Variants in SFMBT2 observed in about 807,000 individuals in gnomAD.
SFMBT2 encodes Scm like with four mbt domains 2, also known as scm-like with four MBT domains protein 2.
In SFMBT2, 38 loss-of-function variants were observed where a neutral mutation model predicts 110.1. The observed-to-expected ratio is 0.35, with a 90% CI of 0.27 to 0.45. The LOEUF (loss-of-function observed/expected upper bound fraction) is 0.45. Ranked by LOEUF, SFMBT2 falls within the 20% of genes least tolerant of loss-of-function variation. The pLI is 1.00. For synonymous variants in SFMBT2, 425 were observed against 425.4 expected (o/e 1.00, Z 0.01); for missense variants, 1,011 against 1,094.9 (o/e 0.92, Z 1.08).
At chr10:7,250,054 G>C (rs921346103) in intron 7 of SFMBT2, among the ~76,000 whole-genome samples, 1 of 152,170 alleles carries the variant, frequency 6.6e-6, no homozygotes, top group Non-Finnish European at 1.5e-5. Context: ...AGAAGGAAAA[G>C]TACAAGGAAA....
At chr10:7,319,220 C>G (rs7088880) in intron 4 of SFMBT2, among the ~76,000 whole-genome samples, 2,658 of 152,292 alleles carry the variant, frequency 0.017, 76 homozygotes, top group African/African-American at 0.059. Flanking sequence ...TCATCAAGTT[C>G]GCAGTACTCC....
In SFMBT2 at chr10:7,303,475, G is replaced by T. The variant is rs369514612; in HGVS notation, c.437-17521C>A. On this transcript the variant is annotated intron_variant, in intron 4 of 20. Transcript: ENST00000397167. ...ATTCTTTCCACCACGGAAAGATGGG[G>T]TAATCCGAGACTAAAAAGAGAGAGA... is the stretch of plus-strand genomic sequence containing the variant. Among the ~76,000 whole-genome samples, 15 of 152,076 alleles carry T rather than the reference G, an allele frequency of 9.9e-5. 1 individual carries two copies. In the South Asian group the frequency reaches 3.1e-3, roughly 32 times the overall value.
At chr10:7,175,432 C>G (rs184901769) in intron 17 of SFMBT2, among the ~76,000 whole-genome samples, 68 of 152,316 alleles carry the variant, frequency 4.5e-4, no homozygotes, top group African/African-American at 1.6e-3. Flanking sequence ...GTCCTGCACC[C>G]TGTGTCCTGG....
intron 4 of SFMBT2, among the ~76,000 whole-genome samples, chr10:7,358,502 C>A (rs948212295): frequency 2.1e-5 from 3 of 145,530 alleles, no homozygotes; most frequent in Non-Finnish European, 3.0e-5. Flanking sequence ...CCCTAGAACA[C>A]CTGCATGGCC....
At chr10:7,341,368 C>T (rs1588463112) in intron 4 of SFMBT2, among the ~76,000 whole-genome samples, 1 of 152,202 alleles carries the variant, frequency 6.6e-6, no homozygotes, top group Non-Finnish European at 1.5e-5. Flanking sequence ...ATCTAACGTT[C>T]ATTCTGGTTC....
chr10:7,243,943 A>C (rs893797777), intron 8 of SFMBT2: 9 of 246,550 alleles, frequency 3.7e-5, no homozygotes, highest in Admixed American at 6.5e-5. Flanking sequence ...GAAGAGTGAG[A>C]ATGAACAAAA....
chr10:7,238,134 T>C (rs957252223), intron 9 of SFMBT2, among the ~76,000 whole-genome samples: 3 of 152,186 alleles, frequency 2.0e-5, no homozygotes, highest in African/African-American at 7.2e-5. Flanking sequence ...CCATGGTTTA[T>C]GTTCTAACAC....
At chr10:7,283,786 T>C in intron 6 of SFMBT2, 118 bp downstream of exon 6, 1 of 781,836 alleles carries the variant, frequency 1.3e-6, no homozygotes. Flanking sequence ...GTGCTTAATA[T>C]TCACATACTC....
chr10:7,195,314 G>A (rs925353610), intron 15 of SFMBT2, among the ~76,000 whole-genome samples: 6 of 152,122 alleles, frequency 3.9e-5, no homozygotes, highest in East Asian at 3.9e-4. Context: ...ATTAACTAGC[G>A]GTCCTGCTGC....
intron 1 of SFMBT2, among the ~76,000 whole-genome samples, chr10:7,394,422 T>C (rs1003558240): frequency 6.6e-6 from 1 of 151,418 alleles, no homozygotes; most frequent in Non-Finnish European, 1.5e-5. Flanking sequence ...TGTTCTGGCA[T>C]TCCTCTCCAC....
At chr10:7,269,758 G>C (rs1841520888) in intron 7 of SFMBT2, among the ~76,000 whole-genome samples, 1 of 141,824 alleles carries the variant, frequency 7.1e-6, no homozygotes, top group African/African-American at 2.6e-5. Context: ...GTGTGTGTGT[G>C]TCTCTTTTTG....
At chr10:7,201,251 C>T (rs1838944583) in intron 13 of SFMBT2, among the ~76,000 whole-genome samples, 1 of 152,220 alleles carries the variant, frequency 6.6e-6, no homozygotes, top group African/African-American at 2.4e-5. Context: ...TACCTGTGAA[C>T]TTGTTAGAAA....
chr10:7,163,568 C>T lies in SFMBT2; in HGVS notation c.*202G>A. ...TGATGCATGACTTTAACTGGCACTC[C>T]CCAGAAGCGACTGCTGCTGTGCTTT... On this transcript the variant is annotated 3_prime_UTR_variant, in exon 21 of 21. Transcript: ENST00000397167. The surrounding 1 kb of genome is among the most constrained non-coding windows in gnomAD (Gnocchi z 4.8). The T allele has an allele frequency of 1.8e-6, 1 of 564,224 alleles. No individual in the cohort carries two copies. Among genetic ancestry groups the T allele is most frequent in the Non-Finnish European group, 3.1e-6 (1 of 319,770 alleles). The allele number at this position is 564,224 out of a possible 1,614,324, so 35.0% of individuals were successfully genotyped here. A position where few individuals can be genotyped will look rare whatever the true frequency, so the allele number is the denominator to read the frequency against.
chr10:7,217,154 T>C (rs914145207), intron 11 of SFMBT2, among the ~76,000 whole-genome samples: 9 of 152,220 alleles, frequency 5.9e-5, no homozygotes, highest in African/African-American at 1.9e-4. Context: ...GGAAGGAGAA[T>C]GGTGCCAGTC....
chr10:7,178,539 T>C (rs780162792), intron 16 of SFMBT2, among the ~76,000 whole-genome samples: 2 of 152,076 alleles, frequency 1.3e-5, no homozygotes, highest in Non-Finnish European at 2.9e-5. Context: ...TAGTGAAGAA[T>C]AAAAATTAAG....
chr10:7,186,700 A>T (rs1040631658), intron 16 of SFMBT2, among the ~76,000 whole-genome samples: 2 of 152,192 alleles, frequency 1.3e-5, no homozygotes, highest in Admixed American at 6.5e-5. Context: ...AAATGGGAAG[A>T]TGCCAGCTCT....
chr10:7,234,778 CA>C (rs775704415), intron 9 of SFMBT2, among the ~76,000 whole-genome samples: 1 of 150,322 alleles, frequency 6.7e-6, no homozygotes. Flanking sequence ...CTCCAGACAC[CA>C]AAAAAAAAGT....
Position 7,367,516 on chromosome 10 carries a change from C to G in SFMBT2, c.436+133G>C. 7.1e-7 allele frequency: 1 copy of G among 1,410,730 alleles called. No homozygotes were observed. Among genetic ancestry groups the G allele is most frequent in the East Asian group, 2.4e-5 (1 of 41,654 alleles). 87.4% of individuals were successfully genotyped at this position (1,410,730 alleles called of 1,614,324 possible). A position where few individuals can be genotyped will look rare whatever the true frequency, so the allele number is the denominator to read the frequency against. The stretch of plus-strand genomic sequence containing the variant: ...AGCTAAGGAAACCTGAGAAACCACT[C>G]TGAAAGAACTGTGAGACCTTTGCAC... On this transcript the variant is annotated intron_variant, in intron 4 of 20. Transcript: ENST00000397167. This position sits in a 1 kb window ranked among gnomAD's most constrained non-coding sequence, Gnocchi z 6.2.
At chr10:7,292,728 A>C (rs1842295466) in intron 4 of SFMBT2, among the ~76,000 whole-genome samples, 2 of 152,282 alleles carry the variant, frequency 1.3e-5, no homozygotes, top group Admixed American at 6.5e-5. Context: ...GTAAAGAATA[A>C]GATTTAGGTG....
Sources: allele counts gnomAD v4.1 joint callset (sites outside exome capture counted in the v4.1 genomes callset), GRCh38; gene constraint gnomAD v4.1.1; non-coding constraint Gnocchi (gnomAD v3.1); transcripts MANE v1.5; gene names NCBI Gene and HGNC (gene_info 2026-07-23, HGNC 2026-07-21).